The following COL5A2 variants were observed in gnomAD, a reference collection of about 807,000 sequenced individuals.
The protein encoded by COL5A2 is collagen alpha-2(V) chain.
COL5A2 carries 23 observed loss-of-function variants against 208.2 expected under a neutral mutation model. The ratio of observed to expected loss-of-function variants is 0.11; its 90% CI spans 0.08 to 0.16. The LOEUF is 0.16. Among genes scored for constraint, COL5A2 ranks in the 10% least tolerant of loss-of-function variants. The pLI is 1.00. For synonymous variants in COL5A2, 625 were observed against 628.5 expected, an observed-to-expected ratio of 0.99 and a Z score of 0.08; for missense variants, 1,590 against 1,956.4, an observed-to-expected ratio of 0.81 and a Z score of 3.53.
At chr2:189,285,008 T>C in the COL5A2 span, among the ~76,000 whole-genome samples, 4 of 151,342 alleles carry the variant, frequency 2.6e-5, no homozygotes, top group Admixed American at 2.6e-4. Context: ...TCCCTTCCTC[T>C]ATGACATCCA....
At chr2:189,331,528 T>G in the COL5A2 span, among the ~76,000 whole-genome samples, 1 of 152,088 alleles carries the variant, frequency 6.6e-6, no homozygotes, top group Non-Finnish European at 1.5e-5. Flanking sequence ...TCTCATGAGA[T>G]CTGATGGTTT....
the COL5A2 span, among the ~76,000 whole-genome samples, chr2:189,305,143 A>T: frequency 5.3e-5 from 8 of 152,226 alleles, no homozygotes; most frequent in Non-Finnish European, 1.0e-4. Context: ...TGCTGCCAGA[A>T]ATAAAATAAT....
chr2:189,055,393 A>G (rs1300248723), intron 35 of COL5A2, among the ~76,000 whole-genome samples: 2 of 152,194 alleles, frequency 1.3e-5, no homozygotes, highest in African/African-American at 2.4e-5. Flanking sequence ...CAAGTTCTCT[A>G]TCTTATAACT....
the COL5A2 span, among the ~76,000 whole-genome samples, chr2:189,287,062 G>C: frequency 6.6e-6 from 1 of 151,986 alleles, no homozygotes. Context: ...CCAAATTTAA[G>C]AAGTATCAGT....
chr2:189,170,674 T>C (rs942347225), intron 1 of COL5A2, among the ~76,000 whole-genome samples: 9 of 152,064 alleles, frequency 5.9e-5, no homozygotes, highest in African/African-American at 2.2e-4. Flanking sequence ...GAAATCATAG[T>C]ATTTGTTTAG....
the COL5A2 span, among the ~76,000 whole-genome samples, chr2:189,356,694 G>A: frequency 6.6e-6 from 1 of 152,028 alleles, no homozygotes; most frequent in Non-Finnish European, 1.5e-5. Context: ...CCTTTAACTC[G>A]GAGGAGTTTG....
At position 189,209,857 on chromosome 2, in the gene COL5A2, T is replaced by C. The variant is rs943542498; in HGVS notation, c.-42+15291A>G. Among the ~76,000 whole-genome samples, 7 of 152,212 alleles carry C rather than the reference T, an allele frequency of 4.6e-5. No individual in the cohort carries two copies. In the South Asian group the frequency reaches 6.2e-4, roughly 13 times the overall value. Reference sequence around the variant, plus strand: ...GAATATTTTGAATTAAAGATGCTTATAAGAGTGATGTCAGCTGAAAGTTAA... The same window carrying C: ...GAATATTTTGAATTAAAGATGCTTACAAGAGTGATGTCAGCTGAAAGTTAA... On this transcript the variant is annotated intron_variant, in intron 1 of 10. Coordinates refer to the COL5A2 transcript ENST00000649966.
chr2:189,149,107 T>TC (rs1688096397), intron 1 of COL5A2, among the ~76,000 whole-genome samples: 2 of 152,244 alleles, frequency 1.3e-5, no homozygotes, highest in South Asian at 4.1e-4. Context: ...ACCACTGCAC[T>TC]CCCACTTGGG....
the COL5A2 span, among the ~76,000 whole-genome samples, chr2:189,296,999 C>A: frequency 5.9e-5 from 9 of 152,186 alleles, no homozygotes; most frequent in African/African-American, 2.2e-4. Flanking sequence ...GTAAAACTGA[C>A]TTTCTGATAA....
At chr2:189,262,865 T>C in the COL5A2 span, among the ~76,000 whole-genome samples, 1 of 152,152 alleles carries the variant, frequency 6.6e-6, no homozygotes, top group South Asian at 2.1e-4. Flanking sequence ...ACAATATTCA[T>C]CTGGTTATTG....
At chr2:189,157,994 T>G (rs1355154324) in intron 1 of COL5A2, among the ~76,000 whole-genome samples, 4 of 151,960 alleles carry the variant, frequency 2.6e-5, no homozygotes, top group African/African-American at 9.7e-5. Context: ...GACTGTGTCT[T>G]ATATACTGTG....
chr2:189,371,661 C>T, the COL5A2 span, among the ~76,000 whole-genome samples: 4 of 152,070 alleles, frequency 2.6e-5, no homozygotes, highest in Non-Finnish European at 4.4e-5. Flanking sequence ...GGGTATCTGG[C>T]GGAAGTAATT....
the COL5A2 span, among the ~76,000 whole-genome samples, chr2:189,399,367 C>T: frequency 6.6e-6 from 1 of 151,600 alleles, no homozygotes; most frequent in African/African-American, 2.4e-5. Context: ...TCTTCTGCCT[C>T]AGCCTCCCAA....
chr2:189,042,850 A>G, intron 48 of COL5A2, 77 bp from the exon 49 acceptor site: 1 of 1,386,144 alleles, frequency 7.2e-7, no homozygotes. Context: ...ATGTGCTATC[A>G]TTGACTTTAG....
At chr2:189,294,953 A>C in the COL5A2 span, among the ~76,000 whole-genome samples, 1 of 152,072 alleles carries the variant, frequency 6.6e-6, no homozygotes, top group Admixed American at 6.5e-5. Flanking sequence ...CTACAGGTAC[A>C]TACCACCATG....
chr2:189,035,685 A>G (rs1685431054), intron 52 of COL5A2, among the ~76,000 whole-genome samples: 1 of 152,138 alleles, frequency 6.6e-6, no homozygotes, highest in Non-Finnish European at 1.5e-5. Flanking sequence ...TATTAGCTAA[A>G]TTATATTTCA....
chr2:189,036,369 A>G (rs2153506119), intron 52 of COL5A2, among the ~76,000 whole-genome samples: 1 of 152,306 alleles, frequency 6.6e-6, no homozygotes, highest in Non-Finnish European at 1.5e-5. Context: ...TACAGTAAAA[A>G]TAATTACTTT....
chr2:189,090,044 G>T (rs942479283), intron 7 of COL5A2, among the ~76,000 whole-genome samples: 2 of 152,098 alleles, frequency 1.3e-5, no homozygotes, highest in East Asian at 3.8e-4. Flanking sequence ...TAGTAAGGAA[G>T]GCATATTGAA....
At chr2:189,152,604 C>A (rs142507351) in intron 1 of COL5A2, among the ~76,000 whole-genome samples, 16 of 152,260 alleles carry the variant, frequency 1.1e-4, no homozygotes, top group Admixed American at 2.0e-4. Flanking sequence ...TCCTGTTGCT[C>A]CACCCCCTGG....
Sources: allele counts gnomAD v4.1 joint callset (sites outside exome capture counted in the v4.1 genomes callset), GRCh38; gene constraint gnomAD v4.1.1; transcripts MANE v1.5; gene names NCBI Gene and HGNC (gene_info 2026-07-23, HGNC 2026-07-21).